The following TMED3 variants were observed in gnomAD, a reference collection of about 807,000 sequenced individuals.
TMED3 encodes transmembrane p24 trafficking protein 3.
In TMED3, 9 loss-of-function variants were observed where a neutral mutation model predicts 15.0. That is an observed-to-expected ratio of 0.60 (90% CI 0.36 to 1.04). TMED3 has a LOEUF of 1.04. TMED3 is among the 50% of genes least tolerant of loss of function. The probability of loss-of-function intolerance (pLI) is 0.01; values close to 1 mark genes in which losing one functional copy is unlikely to be tolerated. For missense variants in TMED3, 267 were observed against 278.9 expected (o/e 0.96, Z 0.30); for synonymous variants, 117 against 121.4 (o/e 0.96, Z 0.24).
chr15:79,321,668 G>T lies in TMED3; in HGVS notation c.418-310G>T, dbSNP rs188297857. On this transcript the variant is annotated intron_variant, in intron 2 of 2. Transcript: ENST00000299705. Reference sequence around the variant, plus strand: ...TCGTTAACAGTGAGGGTAATGATCCGTGCCTATCAGGAGTATTGTAAGGAT... The same window carrying T: ...TCGTTAACAGTGAGGGTAATGATCCTTGCCTATCAGGAGTATTGTAAGGAT... 2.0e-5 allele frequency among the ~76,000 whole-genome samples: 3 copies of T among 152,278 alleles called. No individual in the cohort carries two copies. The East Asian group carries it at 5.8e-4, about 29-fold the overall frequency.
At chr15:79,380,362 A>G (rs932349686) in intron 2 of TMED3, among the ~76,000 whole-genome samples, 3 of 150,076 alleles carry the variant, frequency 2.0e-5, no homozygotes, top group African/African-American at 7.3e-5. Flanking sequence ...CTATATATAT[A>G]TAGAGAGAGT....
intron 2 of TMED3, among the ~76,000 whole-genome samples, chr15:79,319,052 A>T (rs950262965): frequency 2.0e-5 from 3 of 152,198 alleles, no homozygotes; most frequent in African/African-American, 7.2e-5. Flanking sequence ...ATAATAGAGG[A>T]TAGAGGATGT....
chr15:79,396,877 T>C (rs1284576693), intron 2 of TMED3, among the ~76,000 whole-genome samples: 3 of 152,246 alleles, frequency 2.0e-5, no homozygotes, highest in Non-Finnish European at 4.4e-5. Context: ...ATTTTGGATA[T>C]GTTCGGTTAA....
At chr15:79,337,474 AAG>A (rs2058831367) in intron 2 of TMED3, among the ~76,000 whole-genome samples, 1 of 152,216 alleles carries the variant, frequency 6.6e-6, no homozygotes, top group African/African-American at 2.4e-5. Context: ...ATTTGGGAGA[AAG>A]GGGAGGACAC....
At chr15:79,327,472 CT>C (rs151088416), downstream of TMED3, among the ~76,000 whole-genome samples, 1,222 of 152,316 alleles carry the variant, frequency 8.0e-3, 20 homozygotes, top group African/African-American at 0.028. Context: ...ATAATCACCC[CT>C]GGGTTGGAAA....
At chr15:79,361,886 T>C (rs576681939) in intron 2 of TMED3, among the ~76,000 whole-genome samples, 5 of 152,252 alleles carry the variant, frequency 3.3e-5, no homozygotes, top group Admixed American at 3.3e-4. Context: ...AAAATTATTT[T>C]CCTTTTTTAA....
intron 2 of TMED3, among the ~76,000 whole-genome samples, chr15:79,337,255 G>C (rs574883318): frequency 6.6e-6 from 1 of 152,280 alleles, no homozygotes; most frequent in South Asian, 2.1e-4. Flanking sequence ...GCTGTCTTCT[G>C]TGTCCTCACA....
At chr15:79,311,689 G>C (rs1041902859) in intron 1 of TMED3, among the ~76,000 whole-genome samples, 3 of 152,158 alleles carry the variant, frequency 2.0e-5, no homozygotes, top group Admixed American at 1.3e-4. Flanking sequence ...CCCGCAGCCT[G>C]GGGAGCTGGC....
chr15:79,340,015 CTG>C (rs2058845882), intron 2 of TMED3, among the ~76,000 whole-genome samples: 1 of 152,126 alleles, frequency 6.6e-6, no homozygotes, highest in Non-Finnish European at 1.5e-5. Flanking sequence ...ACTTCTAGGG[CTG>C]TGTGTCTCAC....
intron 2 of TMED3, among the ~76,000 whole-genome samples, chr15:79,352,777 C>T (rs1242579114): frequency 2.7e-4 from 37 of 137,056 alleles, no homozygotes; most frequent in Non-Finnish European, 4.6e-4. Context: ...TTGGGTTTTC[C>T]GCTTTGAGAA....
chr15:79,359,598 C>T (rs536715355), intron 2 of TMED3, among the ~76,000 whole-genome samples: 1 of 152,138 alleles, frequency 6.6e-6, no homozygotes, highest in Non-Finnish European at 1.5e-5. Flanking sequence ...AGGGCATGAC[C>T]TTTTTAAGGG....
intron 2 of TMED3, among the ~76,000 whole-genome samples, chr15:79,399,710 A>G (rs1370908251): frequency 6.6e-6 from 1 of 152,246 alleles, no homozygotes. Context: ...ACTGGGCAGA[A>G]CATTCCTCTG....
At chr15:79,391,170 G>A (rs868729557) in intron 2 of TMED3, among the ~76,000 whole-genome samples, 2 of 151,686 alleles carry the variant, frequency 1.3e-5, no homozygotes, top group Non-Finnish European at 2.9e-5. Flanking sequence ...TTCAGGTGTG[G>A]ATGTCAGTTA....
intron 2 of TMED3, among the ~76,000 whole-genome samples, chr15:79,409,154 G>A (rs565068183): frequency 6.6e-6 from 1 of 151,944 alleles, no homozygotes; most frequent in Non-Finnish European, 1.5e-5. Flanking sequence ...TCCAACTGCA[G>A]GATGCATCCT....
At chr15:79,324,022 A>G (rs1425463164), downstream of TMED3, among the ~76,000 whole-genome samples, 1 of 151,952 alleles carries the variant, frequency 6.6e-6, no homozygotes, top group African/African-American at 2.4e-5. Flanking sequence ...ACAGAGTCTC[A>G]CTCTGTCGCC....
intron 2 of TMED3, among the ~76,000 whole-genome samples, chr15:79,399,377 G>C (rs1040740574): frequency 6.6e-6 from 1 of 152,194 alleles, no homozygotes. Flanking sequence ...GCAACTTCTA[G>C]TGCTAAAGCT....
chr15:79,314,406 A>G (rs1441634748), intron 2 of TMED3: 6 of 389,084 alleles, frequency 1.5e-5, no homozygotes, highest in Admixed American at 3.1e-5. Flanking sequence ...AATAAACACC[A>G]AACATCAATG....
chr15:79,323,363 C>CG (rs1050776754), downstream of TMED3, among the ~76,000 whole-genome samples: 5 of 152,126 alleles, frequency 3.3e-5, no homozygotes, highest in African/African-American at 1.2e-4. Flanking sequence ...GGAAAGGAAG[C>CG]AAAATAATCT....
chr15:79,330,112 G>A (rs1422297973), intron 2 of TMED3, among the ~76,000 whole-genome samples: 1 of 152,102 alleles, frequency 6.6e-6, no homozygotes, highest in Non-Finnish European at 1.5e-5. Context: ...AAAGCTGAAC[G>A]CTTTTTCTCT....
Sources: allele counts gnomAD v4.1 joint callset (sites outside exome capture counted in the v4.1 genomes callset), GRCh38; gene constraint gnomAD v4.1.1; transcripts MANE v1.5; gene names NCBI Gene and HGNC (gene_info 2026-07-23, HGNC 2026-07-21).